Variants in SUCLA2 observed in about 807,000 individuals in gnomAD.
SUCLA2 encodes succinate--CoA ligase [ADP-forming] subunit beta, mitochondrial.
In SUCLA2, 30 loss-of-function variants were observed where a neutral mutation model predicts 54.8. The observed-to-expected ratio is 0.55, with a 90% CI of 0.41 to 0.74. The LOEUF (loss-of-function observed/expected upper bound fraction) is 0.74, where lower values mean the gene tolerates loss of function less well. Ranked by LOEUF, SUCLA2 falls within the 30% of genes least tolerant of loss-of-function variation. SUCLA2 has a pLI of 0.00. For missense variants in SUCLA2, 476 were observed against 562.9 expected (o/e 0.85, Z 1.56); for synonymous variants, 172 against 188.9 (o/e 0.91, Z 0.74).
chr13:47,984,666 C>A (rs1010752029), intron 4 of SUCLA2, among the ~76,000 whole-genome samples: 12 of 152,068 alleles, frequency 7.9e-5, no homozygotes, highest in African/African-American at 2.7e-4. Flanking sequence ...ATCCCAGCTA[C>A]TTGGAAGGCT....
intron 10 of SUCLA2, among the ~76,000 whole-genome samples, chr13:47,946,650 C>T (rs1266120812): frequency 1.3e-5 from 2 of 150,884 alleles, no homozygotes; most frequent in African/African-American, 4.9e-5. Context: ...ACAAAACACA[C>T]AGAGAATTAT....
chr13:47,964,772 G>A (rs1236788136), intron 6 of SUCLA2, among the ~76,000 whole-genome samples: 1 of 152,050 alleles, frequency 6.6e-6, no homozygotes, highest in Non-Finnish European at 1.5e-5. Flanking sequence ...CAGGAGAACG[G>A]CATGAACCTG....
chr13:47,993,699 G>A, intron 2 of SUCLA2, among the ~76,000 whole-genome samples: 1 of 152,178 alleles, frequency 6.6e-6, no homozygotes, highest in Non-Finnish European at 1.5e-5. Flanking sequence ...AAGCATTTAT[G>A]TTCTATTATG....
chr13:47,964,665 G>C (rs1322396854), intron 6 of SUCLA2, among the ~76,000 whole-genome samples: 1 of 152,090 alleles, frequency 6.6e-6, no homozygotes, highest in Non-Finnish European at 1.5e-5. Context: ...AGACCATCCT[G>C]GCTAACACGG....
intron 6 of SUCLA2, among the ~76,000 whole-genome samples, chr13:47,963,126 C>T (rs1423123890): frequency 6.6e-6 from 1 of 152,206 alleles, no homozygotes; most frequent in Non-Finnish European, 1.5e-5. Flanking sequence ...AACCCTTCTT[C>T]TTTGGCAATA....
intron 6 of SUCLA2, among the ~76,000 whole-genome samples, chr13:47,957,281 C>T (rs997566619): frequency 2.6e-5 from 4 of 152,194 alleles, no homozygotes; most frequent in Non-Finnish European, 5.9e-5. Context: ...CCGATTAAAG[C>T]CTTCTTCCTT....
chr13:47,975,215 A>C lies in SUCLA2; in HGVS notation c.535-1823T>G, dbSNP rs1309367222. Among the ~76,000 whole-genome samples the C allele has an allele frequency of 2.1e-4, 31 of 150,842 alleles. 1 individual carries two copies. Among genetic ancestry groups the C allele is most frequent in the Admixed American group, 2.0e-3 (30 of 15,030 alleles). ...TCGTTCTGTCACCCAGGCTGGAGTG[A>C]AATGATGCGATCTCAGCTCACTGCA... On this transcript the variant is annotated intron_variant, in intron 4 of 10. Transcript: ENST00000646932.
intron 10 of SUCLA2, among the ~76,000 whole-genome samples, chr13:47,946,879 A>G (rs536799627): frequency 6.6e-6 from 1 of 152,322 alleles, no homozygotes; most frequent in Admixed American, 6.5e-5. Flanking sequence ...ATACTCCTGG[A>G]CTTGCATTGA....
At chr13:47,983,914 A>G (rs557579175) in intron 4 of SUCLA2, among the ~76,000 whole-genome samples, 1 of 152,306 alleles carries the variant, frequency 6.6e-6, no homozygotes, top group South Asian at 2.1e-4. Flanking sequence ...TAAGTCAACA[A>G]TTGGTTATAA....
chr13:47,943,579 G>T (rs1949702394), intron 10 of SUCLA2, 134 bp from the exon 11 acceptor site: 1 of 753,282 alleles, frequency 1.3e-6, no homozygotes, highest in Admixed American at 2.2e-5. Flanking sequence ...ATCACATTAC[G>T]TTCTTATAAG....
intron 5 of SUCLA2, among the ~76,000 whole-genome samples, chr13:47,970,729 G>A (rs1482729174): frequency 3.3e-5 from 5 of 152,008 alleles, no homozygotes; most frequent in South Asian, 2.1e-4. Flanking sequence ...TCATGGTGGC[G>A]GGCGCCTGTA....
chr13:47,943,250 G>T lies in SUCLA2; in HGVS notation c.*121C>A. On this transcript the variant is annotated 3_prime_UTR_variant, in exon 11 of 11. Transcript: ENST00000646932. ...AGTCCAAATCCTTTTAAATGTTTGTGTGCCTAGATGGCAATTACAATCTCC... is the reference window on the plus strand; with the variant it reads ...AGTCCAAATCCTTTTAAATGTTTGTTTGCCTAGATGGCAATTACAATCTCC... 1 of 957,286 alleles carries T rather than the reference G, an allele frequency of 1.0e-6. No individual in the cohort carries two copies. Among genetic ancestry groups the T allele is most frequent in the Non-Finnish European group, 1.7e-6 (1 of 586,190 alleles). The allele number at this position is 957,286 out of a possible 1,614,324, so 59.3% of individuals were successfully genotyped here. A position where few individuals can be genotyped will look rare whatever the true frequency, so the allele number is the denominator to read the frequency against.
intron 2 of SUCLA2, among the ~76,000 whole-genome samples, chr13:47,995,387 C>A (rs1224280784): frequency 1.3e-5 from 2 of 151,858 alleles, no homozygotes; most frequent in Admixed American, 1.3e-4. Flanking sequence ...TGCTTGTAAT[C>A]TGATTTAAAA....
At position 47,965,057 on chromosome 13, in the gene SUCLA2, C is replaced by T. The variant is rs991898495; in HGVS notation, c.802+3538G>A. The stretch of plus-strand genomic sequence containing the variant: ...TGCTGGCCAAATCTGGGACAGTCTG[C>T]GTAACAAAATAAGGATTAAAATGGA... On this transcript the variant is annotated intron_variant, in intron 6 of 10. Transcript: ENST00000646932. 9.3e-5 allele frequency among the ~76,000 whole-genome samples: 14 copies of T among 150,064 alleles called. No individual in the cohort carries two copies. The South Asian group carries it at 1.9e-3, about 20-fold the overall frequency.
At chr13:47,992,761 A>G (rs934552802) in intron 2 of SUCLA2, among the ~76,000 whole-genome samples, 1 of 152,248 alleles carries the variant, frequency 6.6e-6, no homozygotes, top group Non-Finnish European at 1.5e-5. Context: ...ATAAATATTT[A>G]AAAGAAAGAA....
At chr13:47,993,692 C>T (rs1469330471) in intron 2 of SUCLA2, among the ~76,000 whole-genome samples, 1 of 152,160 alleles carries the variant, frequency 6.6e-6, no homozygotes, top group East Asian at 1.9e-4. Flanking sequence ...ACCTGTAAAG[C>T]ATTTATGTTC....
chr13:47,978,247 G>A (rs1023301464), intron 4 of SUCLA2, among the ~76,000 whole-genome samples: 9 of 152,072 alleles, frequency 5.9e-5, no homozygotes, highest in South Asian at 2.1e-4. Flanking sequence ...GAGGCATCAC[G>A]CTACCTGACT....
At chr13:47,951,043 G>T (rs7335788) in intron 8 of SUCLA2, among the ~76,000 whole-genome samples, 110,829 of 151,966 alleles carry the variant, frequency 0.73, 41,372 homozygotes, top group Non-Finnish European at 0.82. Context: ...TCATTCTGGA[G>T]AGTTTCCATA....
chr13:47,981,424 C>T (rs1397775206), intron 4 of SUCLA2, among the ~76,000 whole-genome samples: 1 of 152,164 alleles, frequency 6.6e-6, no homozygotes, highest in Non-Finnish European at 1.5e-5. Flanking sequence ...TATAATCTCA[C>T]ACCCTTTAGG....
Sources: gnomAD v4.1 joint callset for allele counts (sites outside exome capture counted in the v4.1 genomes callset) on GRCh38, gnomAD v4.1.1 for gene constraint, MANE v1.5 for transcripts, NCBI Gene and HGNC (gene_info 2026-07-23, HGNC 2026-07-21) for gene names.